MAGI2: variants seen among roughly 807,000 people sequenced by gnomAD.
MAGI2 encodes membrane associated guanylate kinase, WW and PDZ domain containing 2, also known as membrane-associated guanylate kinase, WW and PDZ domain-containing protein 2.
Under a neutral mutation model 133.3 loss-of-function variants are expected in MAGI2, and 35 were observed. The ratio of observed to expected loss-of-function variants is 0.26; its 90% CI spans 0.20 to 0.35. The LOEUF is 0.35. Ranked by LOEUF, MAGI2 falls within the 10% of genes least tolerant of loss-of-function variation. The pLI is 1.00. For synonymous variants in MAGI2, 729 were observed against 710.6 expected (o/e 1.03, Z -0.41); for missense variants, 1,636 against 1,863.4 (o/e 0.88, Z 2.25).
intron 2 of MAGI2, among the ~76,000 whole-genome samples, chr7:78,924,063 G>A (rs1310390345): frequency 1.3e-5 from 2 of 152,170 alleles, no homozygotes; most frequent in East Asian, 1.9e-4. Flanking sequence ...AGAATTTGCT[G>A]AAGTTGCTTA....
chr7:78,579,895 T>C (rs1802658377), intron 3 of MAGI2, among the ~76,000 whole-genome samples: 1 of 152,210 alleles, frequency 6.6e-6, no homozygotes, highest in African/African-American at 2.4e-5. Context: ...TGTTTCCAAC[T>C]TGATTATGAT....
At chr7:79,327,024 G>T (rs1345073424) in intron 1 of MAGI2, among the ~76,000 whole-genome samples, 3 of 152,114 alleles carry the variant, frequency 2.0e-5, no homozygotes. Flanking sequence ...AGGTAAAGTA[G>T]AACTATAAAA....
chr7:78,989,888 A>G (rs1047160248), intron 2 of MAGI2, among the ~76,000 whole-genome samples: 3 of 151,956 alleles, frequency 2.0e-5, no homozygotes, highest in Admixed American at 6.6e-5. Context: ...TCTATTATCT[A>G]TTTTATATAA....
intron 2 of MAGI2, among the ~76,000 whole-genome samples, chr7:78,681,888 AC>A (rs1414062424): frequency 2.6e-5 from 4 of 152,122 alleles, no homozygotes; most frequent in African/African-American, 9.7e-5. Flanking sequence ...CAGAATCACA[AC>A]CTTTATATGA....
intron 2 of MAGI2, among the ~76,000 whole-genome samples, chr7:78,831,745 C>A (rs551244400): frequency 2.0e-5 from 3 of 152,234 alleles, no homozygotes; most frequent in Admixed American, 6.5e-5. Flanking sequence ...AGTTACATAT[C>A]TTTTTTCTTC....
intron 1 of MAGI2, among the ~76,000 whole-genome samples, chr7:79,381,944 T>G (rs1229552673): frequency 6.6e-6 from 1 of 151,734 alleles, no homozygotes; most frequent in East Asian, 1.9e-4. Context: ...TTGTCTGAGC[T>G]CCTCACTTAT....
chr7:79,012,609 A>G (rs1435459858), intron 1 of MAGI2, among the ~76,000 whole-genome samples: 1 of 152,158 alleles, frequency 6.6e-6, no homozygotes, highest in Non-Finnish European at 1.5e-5. Flanking sequence ...AAATAAATAA[A>G]TCACAAATGC....
At chr7:78,338,618 C>A (rs1044381381) in intron 9 of MAGI2, among the ~76,000 whole-genome samples, 1 of 152,130 alleles carries the variant, frequency 6.6e-6, no homozygotes, top group African/African-American at 2.4e-5. Context: ...TAAATATTTG[C>A]TGAATTGAAC....
At chr7:79,255,999 G>A (rs953678091) in intron 1 of MAGI2, among the ~76,000 whole-genome samples, 12 of 152,136 alleles carry the variant, frequency 7.9e-5, no homozygotes, top group Non-Finnish European at 1.2e-4. Context: ...TGGAATGAGA[G>A]TTTAAGCCAA....
chr7:78,723,833 A>G (rs1820502349), intron 2 of MAGI2, among the ~76,000 whole-genome samples: 1 of 152,124 alleles, frequency 6.6e-6, no homozygotes, highest in Admixed American at 6.5e-5. Flanking sequence ...AGGGAGATAG[A>G]TGTTGTGAAA....
intron 2 of MAGI2, among the ~76,000 whole-genome samples, chr7:78,690,895 T>G (rs1359121096): frequency 6.6e-6 from 1 of 152,194 alleles, no homozygotes; most frequent in East Asian, 1.9e-4. Flanking sequence ...CGATCTTAAA[T>G]CCTGTGGGTT....
At chr7:79,161,989 G>A (rs1824410153) in intron 1 of MAGI2, among the ~76,000 whole-genome samples, 3 of 151,764 alleles carry the variant, frequency 2.0e-5, no homozygotes, top group Non-Finnish European at 4.4e-5. Flanking sequence ...CAAATAATCA[G>A]GCAAGCATAA....
rs200861295 is a variant in MAGI2 at position 78,256,547 on chromosome 7, G to A, written c.1443C>T (p.Val481=). The A allele has an allele frequency of 1.0e-4, 162 of 1,613,314 alleles. No individual in the cohort carries two copies. Among genetic ancestry groups the A allele is most frequent in the Non-Finnish European group, 1.3e-4 (159 of 1,179,766 alleles). The change falls in exon 10 of 22, where the codon GTC becomes GTT. Residue 481 remains valine, a synonymous_variant. Transcript: ENST00000354212. ...DVIVYINEVC[V]LGHTHADVVK... The stretch of plus-strand genomic sequence containing the variant: ...CAACATCTGCATGAGTGTGTCCAAG[G>A]ACACAAACTTCATTAATATAGACAA...
chr7:78,334,362 CTA>C (rs71085525), intron 9 of MAGI2, among the ~76,000 whole-genome samples: 69,583 of 151,860 alleles, frequency 0.46, 16,300 homozygotes, highest in Non-Finnish European at 0.49. Context: ...AAAAGGGTAA[CTA>C]AGATTTCAGA....
At chr7:78,949,680 C>T (rs1385824069) in intron 2 of MAGI2, among the ~76,000 whole-genome samples, 1 of 152,056 alleles carries the variant, frequency 6.6e-6, no homozygotes, top group East Asian at 1.9e-4. Context: ...AACCAGCTAC[C>T]AAGTGTTATA....
intron 16 of MAGI2, among the ~76,000 whole-genome samples, chr7:78,148,451 A>T (rs533284875): frequency 2.4e-4 from 36 of 152,320 alleles, no homozygotes; most frequent in Non-Finnish European, 3.8e-4. Context: ...TAGACTAAAA[A>T]GGGTAAACTT....
intron 1 of MAGI2, among the ~76,000 whole-genome samples, chr7:79,270,858 C>T (rs1468399971): frequency 1.3e-5 from 2 of 152,028 alleles, no homozygotes; most frequent in African/African-American, 4.8e-5. Flanking sequence ...CTAGTTTCTT[C>T]ATACCACTTT....
At chr7:78,738,773 G>A (rs1011099975) in intron 2 of MAGI2, among the ~76,000 whole-genome samples, 2 of 152,156 alleles carry the variant, frequency 1.3e-5, no homozygotes, top group Non-Finnish European at 1.5e-5. Context: ...ACAAACGATT[G>A]TCCTTTAGAT....
At chr7:79,175,973 T>C (rs1258254954) in intron 1 of MAGI2, among the ~76,000 whole-genome samples, 1 of 152,012 alleles carries the variant, frequency 6.6e-6, no homozygotes, top group Admixed American at 6.6e-5. Context: ...AGTATTTTCA[T>C]TTGTTACCTC....
Sources: gnomAD v4.1 joint callset for allele counts (sites outside exome capture counted in the v4.1 genomes callset) on GRCh38, gnomAD v4.1.1 for gene constraint, MANE v1.5 for transcripts, NCBI Gene and HGNC (gene_info 2026-07-23, HGNC 2026-07-21) for gene names.